Variants in GCNA observed in about 807,000 individuals in gnomAD.
GCNA encodes the protein germ cell nuclear acidic peptidase, also known as germ cell nuclear acidic protein.
Under a neutral mutation model 38.8 loss-of-function variants are expected in GCNA, and 3 were observed. The observed-to-expected ratio is 0.08, with a 90% CI of 0.04 to 0.20. GCNA has a LOEUF of 0.20. GCNA is among the 10% of genes least tolerant of loss of function. GCNA has a pLI of 1.00. For missense variants in GCNA, 446 were observed against 578.6 expected (o/e 0.77, Z 2.35); for synonymous variants, 195 against 240.2 (o/e 0.81, Z 1.74).
intron 4 of GCNA, among the ~76,000 whole-genome samples, chrX:71,593,187 C>A (rs1326290041): frequency 5.3e-5 from 6 of 112,454 alleles, no homozygotes; most frequent in Non-Finnish European, 9.4e-5. Context: ...AACCACTGCA[C>A]CTGGCCTAAG....
chrX:71,598,003 A>T lies in GCNA; in HGVS notation c.275A>T (p.Glu92Val), dbSNP rs1482212402. The change falls in exon 7 of 13, where the codon GAG becomes GTG. Residue 92 changes from glutamate (E) to valine (V), a missense_variant. Around this residue, in one of 7 missense-constraint regions of GCNA, gnomAD observed 118 missense variants for 122.8 expected, o/e 0.96. Transcript: ENST00000373696. ...DSDEECHTHE[E>V]KKAKLLEINS... ...GATGAGGAATGTCACACCCATGAAG[A>T]GAAGAAAGCTAAGTTATTGGAAATA... 8.3e-7 allele frequency: 1 copy of T among 1,210,520 alleles called. No individual in the cohort carries two copies. The highest frequency in any genetic ancestry group is 2.2e-5 in the Admixed American group (1 of 46,046).
chrX:71,611,492 C>A, intron 11 of GCNA, among the ~76,000 whole-genome samples: 1 of 111,996 alleles, frequency 8.9e-6, no homozygotes, highest in East Asian at 2.8e-4. Context: ...ATGATCGCAC[C>A]TGTGAATAGC....
At chrX:71,590,383 A>G (rs2040618420) in intron 2 of GCNA, among the ~76,000 whole-genome samples, 1 of 111,922 alleles carries the variant, frequency 8.9e-6, no homozygotes, top group South Asian at 3.7e-4. Flanking sequence ...AAGTATGTAA[A>G]AAGATGGATG....
chrX:71,579,792 G>C (rs934995089), intron 1 of GCNA, among the ~76,000 whole-genome samples: 6 of 107,326 alleles, frequency 5.6e-5, no homozygotes, highest in Non-Finnish European at 1.2e-4. Flanking sequence ...TGTGGGGGAA[G>C]GGTGGTGGGG....
intron 2 of GCNA, among the ~76,000 whole-genome samples, chrX:71,581,153 T>A (rs1195905725): frequency 1.8e-5 from 2 of 112,295 alleles, no homozygotes; most frequent in African/African-American, 6.5e-5. Flanking sequence ...TTCTAGAAAG[T>A]TCTTCATTCT....
intron 2 of GCNA, among the ~76,000 whole-genome samples, chrX:71,588,036 C>T (rs772508676): frequency 3.4e-4 from 38 of 111,441 alleles, no homozygotes; most frequent in Admixed American, 9.6e-4. Flanking sequence ...TTCAAGGGAT[C>T]CACCCACCTT....
intron 2 of GCNA, among the ~76,000 whole-genome samples, chrX:71,581,329 A>G (rs917679495): frequency 2.7e-5 from 3 of 111,425 alleles, no homozygotes; most frequent in Admixed American, 9.6e-5. Flanking sequence ...AACATGAGGT[A>G]TTTTTTTTGT....
chrX:71,603,521 A>G, intron 7 of GCNA, 67 bp from the exon 8 acceptor site: 1 of 1,145,205 alleles, frequency 8.7e-7, no homozygotes, highest in African/African-American at 1.8e-5. Flanking sequence ...AATCTGCTGA[A>G]ATTTAGCATA....
At chrX:71,587,507 A>G (rs964891444) in intron 2 of GCNA, among the ~76,000 whole-genome samples, 2 of 111,387 alleles carry the variant, frequency 1.8e-5, no homozygotes, top group African/African-American at 6.5e-5. Context: ...ATGATATGAT[A>G]TTTAAAATAT....
intron 2 of GCNA, among the ~76,000 whole-genome samples, chrX:71,588,331 A>G (rs2040598281): frequency 9.0e-6 from 1 of 111,621 alleles, no homozygotes. Flanking sequence ...AAAATTACTA[A>G]GGGAATATAG....
rs1294623032 is a variant in GCNA, at chrX:71,605,619, AT to A, written c.1400-40del. On this transcript the variant is annotated intron_variant, in intron 8 of 12. Coordinates refer to ENST00000373696, the MANE Select transcript of GCNA (RefSeq NM_052957.5). ...TTCTGTTGGTCTCGTGATGGTACCAATTTTCGGGGTACAAGTAACCTATTAT... is the reference window on the plus strand; with the variant it reads ...TTCTGTTGGTCTCGTGATGGTACCAATTTCGGGGTACAAGTAACCTATTAT... 4 of 1,127,227 alleles carry A rather than the reference AT, an allele frequency of 3.5e-6. No homozygotes were observed. In the Admixed American group the frequency reaches 7.0e-5, roughly 20 times the overall value. 92.9% of individuals were successfully genotyped at this position (1,127,227 alleles called of 1,213,427 possible). A position where few individuals can be genotyped will look rare whatever the true frequency, so the allele number is the denominator to read the frequency against.
rs1404243588 is a variant in GCNA at position 71,604,578 on chromosome X, T to C, written c.1301T>C (p.Ile434Thr). The C allele has an allele frequency of 1.2e-5, 14 of 1,194,001 alleles. No homozygotes were observed. The highest frequency in any genetic ancestry group is 1.6e-5 in the Non-Finnish European group (14 of 886,929). The change falls in exon 8 of 13, where the codon ATA becomes ACA. Residue 434 changes from isoleucine to threonine, a missense_variant. Ile to Thr is a moderately conservative substitution (Grantham distance 89). This residue lies in a region of GCNA where 160 missense variants were observed against 165.2 expected (regional missense o/e 0.97). Coordinates refer to ENST00000373696, the MANE Select transcript of GCNA (RefSeq NM_052957.5). ...PRKRQTKTKN[I>T]VEPPRKRQTK... ...AAAAGGCAGACAAAGACCAAAAATA[T>C]AGTGGAGCCACCAAGGAAAAGGCAG...
intron 2 of GCNA, among the ~76,000 whole-genome samples, chrX:71,587,719 T>C (rs1569436207): frequency 1.8e-5 from 2 of 111,215 alleles, no homozygotes; most frequent in African/African-American, 6.5e-5. Context: ...CCTGAAAGTG[T>C]GGTCTGCCAG....
At chrX:71,588,137 A>G (rs2040596888) in intron 2 of GCNA, among the ~76,000 whole-genome samples, 1 of 111,861 alleles carries the variant, frequency 8.9e-6, no homozygotes, top group Non-Finnish European at 1.9e-5. Flanking sequence ...AGTAAGGCTC[A>G]TAAATATTGT....
intron 1 of GCNA, among the ~76,000 whole-genome samples, chrX:71,579,364 A>G (rs1344614359): frequency 3.8e-5 from 1 of 26,542 alleles, no homozygotes; most frequent in Non-Finnish European, 6.6e-5. Context: ...GGAGAAGTGG[A>G]GGCGCCGGTG....
chrX:71,601,531 A>T (rs1178964918), intron 7 of GCNA, among the ~76,000 whole-genome samples: 1 of 109,218 alleles, frequency 9.2e-6, no homozygotes, highest in Non-Finnish European at 1.9e-5. Flanking sequence ...TTATGCATTC[A>T]TCTGTTTTTT....
intron 7 of GCNA, among the ~76,000 whole-genome samples, chrX:71,602,434 G>A (rs2040722982): frequency 9.0e-6 from 1 of 111,575 alleles, no homozygotes; most frequent in Non-Finnish European, 1.9e-5. Flanking sequence ...TAATCCACCC[G>A]CCTTGCCCTC....
At chrX:71,593,554 G>A (rs1242034834) in intron 4 of GCNA, among the ~76,000 whole-genome samples, 2 of 109,087 alleles carry the variant, frequency 1.8e-5, no homozygotes, top group Non-Finnish European at 3.8e-5. Context: ...CAGAGAGAGA[G>A]TGCTGGGACC....
chrX:71,597,089 A>G (rs2040677266), intron 6 of GCNA, among the ~76,000 whole-genome samples: 1 of 111,029 alleles, frequency 9.0e-6, no homozygotes, highest in Non-Finnish European at 1.9e-5. Context: ...AGGAGGAGTG[A>G]ATGGAAAGGT....
Sources: gnomAD v4.1 joint callset for allele counts (sites outside exome capture counted in the v4.1 genomes callset) on GRCh38, gnomAD v4.1.1 for gene constraint, gnomAD v4.1.1 regional missense constraint, MANE v1.5 for transcripts, NCBI Gene and HGNC (gene_info 2026-07-23, HGNC 2026-07-21) for gene names.